JARID2: variants seen among roughly 807,000 people sequenced by gnomAD.
The protein encoded by JARID2 is jumonji and AT-rich interaction domain containing 2, also known as protein Jumonji.
A neutral mutation model predicts 125.6 loss-of-function variants in JARID2; 21 were observed. The observed-to-expected ratio is 0.17, with a 90% CI of 0.12 to 0.24. The LOEUF (loss-of-function observed/expected upper bound fraction) is 0.24, where lower values mean the gene tolerates loss of function less well. JARID2 is among the 10% of genes least tolerant of loss of function. The pLI, the probability that JARID2 is intolerant of heterozygous loss-of-function variation, is 1.00. For missense variants in JARID2, 1,303 were observed against 1,639.6 expected, an observed-to-expected ratio of 0.79 and a Z score of 3.55; for synonymous variants, 736 against 661.6, an observed-to-expected ratio of 1.11 and a Z score of -1.73.
chr6:15,512,484 CTA>C lies in JARID2; in HGVS notation c.3135+96_3135+97del, dbSNP rs1172860682. 3.5e-6 allele frequency: 4 copies of C among 1,148,012 alleles called. No homozygotes were observed. In the Admixed American group the frequency reaches 7.7e-5, roughly 22 times the overall value. The allele number at this position is 1,148,012 out of a possible 1,614,324, so 71.1% of individuals were successfully genotyped here. A position where few individuals can be genotyped will look rare whatever the true frequency, so the allele number is the denominator to read the frequency against. On this transcript the variant is annotated intron_variant, in intron 14 of 17. Transcript: ENST00000341776. ...CAGAAGCATCCCTGCGTGTGCGTGT[CTA>C]TTTGTCAATAGTTCCTTTTGGAATA...
At chr6:15,409,264 A>C (rs776302908) in intron 2 of JARID2, among the ~76,000 whole-genome samples, 4 of 152,204 alleles carry the variant, frequency 2.6e-5, no homozygotes. Context: ...AGAAGAGCAA[A>C]AATCAAGGGG....
chr6:15,456,854 AT>A (rs1768198614), intron 4 of JARID2, among the ~76,000 whole-genome samples: 2 of 136,480 alleles, frequency 1.5e-5, no homozygotes, highest in Admixed American at 1.5e-4. Flanking sequence ...TTCCATTTTA[AT>A]TTAAGAAAAA....
intron 3 of JARID2, among the ~76,000 whole-genome samples, chr6:15,413,442 C>T (rs1022957135): frequency 3.9e-5 from 6 of 152,092 alleles, no homozygotes; most frequent in Non-Finnish European, 8.8e-5. Context: ...ATAGCTGAGA[C>T]GGGGTAACTT....
At chr6:15,343,626 A>T (rs1763146380) in intron 1 of JARID2, among the ~76,000 whole-genome samples, 1 of 152,180 alleles carries the variant, frequency 6.6e-6, no homozygotes, top group South Asian at 2.1e-4. Flanking sequence ...GAGGAAGGGC[A>T]GCCGGTATCC....
At chr6:15,436,054 C>T (rs538544990) in intron 3 of JARID2, among the ~76,000 whole-genome samples, 1 of 152,198 alleles carries the variant, frequency 6.6e-6, no homozygotes, top group Admixed American at 6.5e-5. Context: ...GCTGCAACCC[C>T]ACAGCAGTCT....
intron 3 of JARID2, among the ~76,000 whole-genome samples, chr6:15,425,702 G>A (rs1212580842): frequency 1.3e-5 from 2 of 152,188 alleles, no homozygotes; most frequent in Admixed American, 6.5e-5. Flanking sequence ...TCTTTAAAAT[G>A]GTGAGAAATA....
rs1438630494 is a variant in JARID2, at chr6:15,374,095, CTCTTT to C, written c.46-17_46-13del. 1.2e-5 allele frequency: 20 copies of C among 1,609,718 alleles called. No individual in the cohort carries two copies. Among genetic ancestry groups the C allele is most frequent in the Admixed American group, 5.1e-5 (3 of 59,022 alleles). On this transcript the variant is annotated splice_polypyrimidine_tract_variant and intron_variant, in intron 1 of 17. Coordinates refer to ENST00000341776, the MANE Select transcript of JARID2 (RefSeq NM_004973.4). The stretch of plus-strand genomic sequence containing the variant: ...CCTTGCTTTCTATTCAGTAACTCCT[CTCTTT>C]TCTTATGTTTCTTCAGGATGACAGT...
At chr6:15,483,465 A>G (rs1769720462) in intron 5 of JARID2, among the ~76,000 whole-genome samples, 1 of 151,812 alleles carries the variant, frequency 6.6e-6, no homozygotes, top group Non-Finnish European at 1.5e-5. Flanking sequence ...GTTTGGTGCC[A>G]TTGCCTTTGT....
At chr6:15,345,992 C>T (rs534200047) in intron 1 of JARID2, among the ~76,000 whole-genome samples, 5 of 152,224 alleles carry the variant, frequency 3.3e-5, no homozygotes, top group African/African-American at 7.2e-5. Flanking sequence ...CGTAAGTGTT[C>T]GTGGTTTTGT....
intron 1 of JARID2, among the ~76,000 whole-genome samples, chr6:15,282,988 A>AT (rs1010118144): frequency 5.4e-5 from 8 of 148,314 alleles, no homozygotes; most frequent in Non-Finnish European, 9.0e-5. Context: ...TATTTTTTTT[A>AT]TTTTTTTTGA....
intron 1 of JARID2, among the ~76,000 whole-genome samples, chr6:15,306,060 ATTT>A (rs899560402): frequency 3.9e-5 from 6 of 152,280 alleles, no homozygotes; most frequent in Admixed American, 2.0e-4. Context: ...TAAACGTCAG[ATTT>A]TTAGAAGCTC....
Position 15,400,809 on chromosome 6 carries a change from G to C in JARID2, c.182-9415G>C, listed in dbSNP as rs1021226936. 4 of 1,246,772 alleles carry C rather than the reference G, an allele frequency of 3.2e-6. No individual in the cohort carries two copies. The East Asian group carries it at 2.3e-4, about 71-fold the overall frequency. The allele number at this position is 1,246,772 out of a possible 1,614,324, so 77.2% of individuals were successfully genotyped here. On this transcript the variant is annotated intron_variant, in intron 2 of 17. Coordinates refer to ENST00000341776, the MANE Select transcript of JARID2 (RefSeq NM_004973.4). The stretch of plus-strand genomic sequence containing the variant: ...TGTTCTGGCCGTCCTATTGCCGCGC[G>C]GAATCTGCACTGCCGCTTGCTTATT...
chr6:15,473,480 G>T (rs1193035347), intron 5 of JARID2, among the ~76,000 whole-genome samples: 1 of 136,064 alleles, frequency 7.3e-6, no homozygotes, highest in Non-Finnish European at 1.5e-5. Flanking sequence ...GATGCTACCT[G>T]GGTGACTTGT....
At chr6:15,428,079 A>C (rs1193521664) in intron 3 of JARID2, among the ~76,000 whole-genome samples, 1 of 152,152 alleles carries the variant, frequency 6.6e-6, no homozygotes, top group Non-Finnish European at 1.5e-5. Context: ...GCGGGTGATG[A>C]AAGGCAGCAA....
intron 3 of JARID2, among the ~76,000 whole-genome samples, chr6:15,429,616 C>T (rs1187862000): frequency 6.6e-6 from 1 of 152,152 alleles, no homozygotes; most frequent in Non-Finnish European, 1.5e-5. Flanking sequence ...GAGGCAAATA[C>T]TCCTATTTAG....
At chr6:15,446,013 C>G (rs185025513) in intron 3 of JARID2, among the ~76,000 whole-genome samples, 1 of 152,284 alleles carries the variant, frequency 6.6e-6, no homozygotes, top group South Asian at 2.1e-4. Flanking sequence ...TACCAAGGCT[C>G]CTCCTCTCCT....
Position 15,334,570 on chromosome 6 carries a change from C to A in JARID2, c.46-39547C>A, listed in dbSNP as rs376505589. ...AGCAGTTTTTGCATACTCCTTTTAC[C>A]ATGTGCTTGCTCCTTTTGCTGTTTT... On this transcript the variant is annotated intron_variant, in intron 1 of 17. Coordinates refer to ENST00000341776, the MANE Select transcript of JARID2 (RefSeq NM_004973.4). 1.6e-4 allele frequency among the ~76,000 whole-genome samples: 25 copies of A among 152,240 alleles called. No homozygotes were observed. The East Asian group carries it at 2.9e-3, about 18-fold the overall frequency.
At chr6:15,384,190 C>G (rs1764696855) in intron 2 of JARID2, among the ~76,000 whole-genome samples, 1 of 151,916 alleles carries the variant, frequency 6.6e-6, no homozygotes, top group East Asian at 1.9e-4. Flanking sequence ...CCTCGACTCT[C>G]AGGCTCATAC....
At position 15,380,554 on chromosome 6, in the gene JARID2, T is replaced by C. The variant is rs142541645; in HGVS notation, c.181+6302T>C. Reference sequence around the variant, plus strand: ...TAGAGTTTTGTGTTTTTAATGCTGTTGTCGTTCTGGCTGGCTGGAACTCAC... The same window carrying C: ...TAGAGTTTTGTGTTTTTAATGCTGTCGTCGTTCTGGCTGGCTGGAACTCAC... On this transcript the variant is annotated intron_variant, in intron 2 of 17. Coordinates refer to ENST00000341776, the MANE Select transcript of JARID2 (RefSeq NM_004973.4). 3.8e-3 allele frequency among the ~76,000 whole-genome samples: 579 copies of C among 152,300 alleles called. 4 individuals carry two copies. Among genetic ancestry groups the C allele is most frequent in the African/African-American group, 0.013 (558 of 41,564 alleles).
Sources: gnomAD v4.1 joint callset for allele counts (sites outside exome capture counted in the v4.1 genomes callset) on GRCh38, gnomAD v4.1.1 for gene constraint, MANE v1.5 for transcripts, NCBI Gene and HGNC (gene_info 2026-07-23, HGNC 2026-07-21) for gene names.